GRIA4: variants seen among roughly 807,000 people sequenced by gnomAD.
GRIA4 encodes the protein glutamate receptor 4.
In GRIA4, 34 loss-of-function variants were observed where a neutral mutation model predicts 104.0. The observed-to-expected ratio is 0.33, with a 90% CI of 0.25 to 0.44. The LOEUF is 0.44. GRIA4 is among the 20% of genes least tolerant of loss of function. The pLI, the probability that GRIA4 is intolerant of heterozygous loss-of-function variation, is 1.00. For synonymous variants in GRIA4, 386 were observed against 381.9 expected (o/e 1.01, Z -0.13); for missense variants, 750 against 1,096.5 (o/e 0.68, Z 4.46).
intron 3 of GRIA4, among the ~76,000 whole-genome samples, chr11:105,737,905 AC>A (rs1939055127): frequency 6.6e-6 from 1 of 152,152 alleles, no homozygotes; most frequent in Non-Finnish European, 1.5e-5. Context: ...AAAAGGGAAA[AC>A]AAGAATACCT....
At chr11:105,851,722 G>A (rs1032474378) in intron 4 of GRIA4, among the ~76,000 whole-genome samples, 5 of 152,108 alleles carry the variant, frequency 3.3e-5, no homozygotes, top group South Asian at 2.1e-4. Context: ...GTTGAGTGGC[G>A]CATACCTAAG....
chr11:105,651,686 C>T (rs1421093769), intron 3 of GRIA4, among the ~76,000 whole-genome samples: 1 of 151,904 alleles, frequency 6.6e-6, no homozygotes, highest in Non-Finnish European at 1.5e-5. Flanking sequence ...CTCCATATCA[C>T]TGCACTGTTT....
intron 14 of GRIA4, among the ~76,000 whole-genome samples, chr11:105,951,526 G>A (rs536556023): frequency 2.0e-5 from 3 of 152,268 alleles, no homozygotes; most frequent in South Asian, 4.1e-4. Flanking sequence ...CTGAGGCAGG[G>A]ACTTTACTGA....
intron 8 of GRIA4, among the ~76,000 whole-genome samples, 182 bp downstream of exon 8, chr11:105,904,163 T>G (rs1465628419): frequency 6.6e-6 from 1 of 152,210 alleles, no homozygotes; most frequent in African/African-American, 2.4e-5. Context: ...TGTTTACATT[T>G]TATGTGGATG....
intron 4 of GRIA4, among the ~76,000 whole-genome samples, chr11:105,782,062 C>A (rs944570180): frequency 1.3e-5 from 2 of 152,104 alleles, no homozygotes; most frequent in South Asian, 2.1e-4. Context: ...GAATTTGAGA[C>A]CTGTACAATC....
chr11:105,657,080 C>A (rs1445913296), intron 3 of GRIA4, among the ~76,000 whole-genome samples: 2 of 151,920 alleles, frequency 1.3e-5, no homozygotes, highest in African/African-American at 4.8e-5. Context: ...GTTTTTAAAT[C>A]TTTCAGTCTA....
chr11:105,826,424 T>C (rs750264332), intron 4 of GRIA4, among the ~76,000 whole-genome samples: 2 of 152,050 alleles, frequency 1.3e-5, no homozygotes, highest in African/African-American at 4.8e-5. Context: ...GGAGCTTGTC[T>C]GTCTTAGGGA....
At chr11:105,920,741 G>A (rs192194421) in intron 11 of GRIA4, among the ~76,000 whole-genome samples, 93 of 152,200 alleles carry the variant, frequency 6.1e-4, no homozygotes, top group South Asian at 1.2e-3. Flanking sequence ...TAACATAATG[G>A]TTATTAATAT....
chr11:105,773,353 T>C (rs1188291613), intron 4 of GRIA4, among the ~76,000 whole-genome samples: 5 of 152,136 alleles, frequency 3.3e-5, no homozygotes, highest in African/African-American at 7.2e-5. Flanking sequence ...ATTAATTTTC[T>C]ATAAAACAAG....
Position 105,979,907 on chromosome 11 carries a change from G to T in GRIA4, c.*168G>T. Reference sequence around the variant, plus strand: ...ACATCAGCAGCAGCAACGTGTGCATGAGCTCAGCTCGGAAACCCAAACTCA... The same window carrying T: ...ACATCAGCAGCAGCAACGTGTGCATTAGCTCAGCTCGGAAACCCAAACTCA... On this transcript the variant is annotated 3_prime_UTR_variant, in exon 17 of 17. Transcript: ENST00000282499. 1.9e-6 allele frequency: 1 copy of T among 519,526 alleles called. No homozygotes were observed. Among genetic ancestry groups the T allele is most frequent in the Non-Finnish European group, 3.5e-6 (1 of 289,652 alleles). 32.2% of individuals were successfully genotyped at this position (519,526 alleles called of 1,614,324 possible). A position where few individuals can be genotyped will look rare whatever the true frequency, so the allele number is the denominator to read the frequency against.
chr11:105,954,987 A>T (rs988962173), intron 14 of GRIA4, among the ~76,000 whole-genome samples: 1 of 150,620 alleles, frequency 6.6e-6, no homozygotes, highest in Non-Finnish European at 1.5e-5. Context: ...CATATATATA[A>T]AATGAGATTT....
chr11:105,876,272 T>C (rs999892992), intron 5 of GRIA4, among the ~76,000 whole-genome samples: 2 of 152,218 alleles, frequency 1.3e-5, no homozygotes, highest in Non-Finnish European at 2.9e-5. Context: ...CACTGTGGTC[T>C]GAGAGACTGT....
intron 3 of GRIA4, among the ~76,000 whole-genome samples, chr11:105,702,502 C>G (rs964308524): frequency 6.6e-6 from 1 of 151,356 alleles, no homozygotes; most frequent in African/African-American, 2.4e-5. Context: ...TATCTACAAC[C>G]AATGGTACCT....
At chr11:105,872,842 A>AT (rs371098706) in intron 5 of GRIA4, among the ~76,000 whole-genome samples, 1 of 152,112 alleles carries the variant, frequency 6.6e-6, no homozygotes, top group Non-Finnish European at 1.5e-5. Flanking sequence ...GAATAGTTTA[A>AT]TTTTTTGTAT....
intron 3 of GRIA4, among the ~76,000 whole-genome samples, chr11:105,683,067 T>C (rs573946371): frequency 6.6e-6 from 1 of 152,282 alleles, no homozygotes; most frequent in Non-Finnish European, 1.5e-5. Flanking sequence ...TTTCTAGTCT[T>C]AGAACTCTAA....
intron 3 of GRIA4, among the ~76,000 whole-genome samples, chr11:105,715,243 T>C (rs575966771): frequency 1.4e-4 from 21 of 152,288 alleles, no homozygotes; most frequent in African/African-American, 3.8e-4. Flanking sequence ...ATTACATCTT[T>C]TCATTACACT....
intron 3 of GRIA4, among the ~76,000 whole-genome samples, chr11:105,666,862 C>T (rs979124354): frequency 1.5e-4 from 22 of 151,282 alleles, no homozygotes; most frequent in African/African-American, 4.8e-4. Flanking sequence ...GTTTTGGTCA[C>T]GTTTAAATTA....
intron 14 of GRIA4, among the ~76,000 whole-genome samples, chr11:105,960,254 C>T (rs1948703548): frequency 2.6e-5 from 4 of 152,264 alleles, no homozygotes; most frequent in Admixed American, 2.6e-4. Flanking sequence ...GCAGCCACCC[C>T]TGCCTCTAGG....
chr11:105,691,538 T>C (rs757966196), intron 3 of GRIA4, among the ~76,000 whole-genome samples: 14 of 152,158 alleles, frequency 9.2e-5, no homozygotes, highest in Non-Finnish European at 1.9e-4. Context: ...AGTTTCCCCA[T>C]CTGTAAAATA....
Sources: gnomAD v4.1 joint callset for allele counts (sites outside exome capture counted in the v4.1 genomes callset) on GRCh38, gnomAD v4.1.1 for gene constraint, MANE v1.5 for transcripts, NCBI Gene and HGNC (gene_info 2026-07-23, HGNC 2026-07-21) for gene names.